The following SAP130 variants were observed in gnomAD, a reference collection of about 807,000 sequenced individuals.
The protein encoded by SAP130 is Sin3A associated protein 130, also known as histone deacetylase complex subunit SAP130.
SAP130 carries 16 observed loss-of-function variants against 103.2 expected under a neutral mutation model. The observed-to-expected ratio is 0.16, with a 90% CI of 0.10 to 0.24. The LOEUF (loss-of-function observed/expected upper bound fraction) is 0.24, where lower values mean the gene tolerates loss of function less well. Among genes scored for constraint, SAP130 ranks in the 10% least tolerant of loss-of-function variants. The pLI, the probability that SAP130 is intolerant of heterozygous loss-of-function variation, is 1.00. For missense variants in SAP130, 990 were observed against 1,359.7 expected (o/e 0.73, Z 4.28); for synonymous variants, 477 against 497.0 (o/e 0.96, Z 0.53).
intron 14 of SAP130, among the ~76,000 whole-genome samples, chr2:127,981,460 C>G (rs1276045156): frequency 7.8e-6 from 1 of 128,972 alleles, no homozygotes; most frequent in Non-Finnish European, 1.6e-5. Context: ...CTCACCCCAA[C>G]CTAGTCCTCC....
chr2:128,011,375 C>T (rs1024108157), intron 6 of SAP130, among the ~76,000 whole-genome samples: 2 of 152,190 alleles, frequency 1.3e-5, no homozygotes, highest in African/African-American at 2.4e-5. Context: ...CATTATTCTT[C>T]GAATCACCTG....
At chr2:128,027,508 AG>A (rs1278732118) in intron 1 of SAP130, among the ~76,000 whole-genome samples, 4 of 151,826 alleles carry the variant, frequency 2.6e-5, no homozygotes, top group Non-Finnish European at 5.9e-5. Context: ...CCCCCGGCGA[AG>A]GGGGCGGGGA....
At chr2:128,025,577 G>C (rs934014902) in intron 2 of SAP130, among the ~76,000 whole-genome samples, 1 of 152,084 alleles carries the variant, frequency 6.6e-6, no homozygotes, top group Non-Finnish European at 1.5e-5. Context: ...TTTTTCTCTT[G>C]TCATTATTCC....
rs1055355487 is a variant in SAP130, at chr2:127,986,644, C to G, written c.1958+141G>C. On this transcript the variant is annotated intron_variant, in intron 14 of 20. Transcript: ENST00000643581. The surrounding 1 kb of genome is among the most constrained non-coding windows in gnomAD (Gnocchi z 4.7). ...AGGCTCTACTGAATAATCCTGTGGT[C>G]AAGTTGTTTTGGAGGAAATTTTAAC... The G allele has an allele frequency of 3.6e-5, 31 of 864,104 alleles. No homozygotes were observed. In the South Asian group the frequency reaches 5.2e-4, roughly 15 times the overall value. The allele number at this position is 864,104 out of a possible 1,614,324, so 53.5% of individuals were successfully genotyped here.
At chr2:127,943,969 T>C (rs2104842666) in intron 19 of SAP130, among the ~76,000 whole-genome samples, 1 of 152,386 alleles carries the variant, frequency 6.6e-6, no homozygotes, top group East Asian at 1.9e-4. Context: ...GTTGGACAAA[T>C]GTGGATACTG....
intron 2 of SAP130, among the ~76,000 whole-genome samples, chr2:128,023,527 C>G (rs913122181): frequency 1.3e-5 from 2 of 152,152 alleles, no homozygotes; most frequent in Non-Finnish European, 2.9e-5. Context: ...TGCCTGTAAT[C>G]TCAGCACTTT....
chr2:127,988,397 T>G (rs1228286461), intron 13 of SAP130, among the ~76,000 whole-genome samples: 1 of 139,794 alleles, frequency 7.2e-6, no homozygotes, highest in Non-Finnish European at 1.5e-5. Context: ...GTGTTCCAGC[T>G]GGGCAACAGA....
At chr2:128,021,188 C>CAT (rs1559108155) in intron 2 of SAP130, among the ~76,000 whole-genome samples, 1 of 151,216 alleles carries the variant, frequency 6.6e-6, no homozygotes, top group Non-Finnish European at 1.5e-5. Context: ...GTGGCTCAAG[C>CAT]CTGTAATCCC....
chr2:127,977,428 A>G (rs1681545218), intron 15 of SAP130, among the ~76,000 whole-genome samples: 1 of 150,924 alleles, frequency 6.6e-6, no homozygotes, highest in Non-Finnish European at 1.5e-5. Context: ...TGAACATGGG[A>G]GGCCGAAGTT....
intron 15 of SAP130, among the ~76,000 whole-genome samples, chr2:127,973,323 C>G (rs990840850): frequency 2.0e-5 from 3 of 152,210 alleles, no homozygotes; most frequent in African/African-American, 7.2e-5. Context: ...ACCTCTGCCT[C>G]CTGGGTTCAA....
At chr2:128,012,263 A>G (rs918064066) in intron 6 of SAP130, among the ~76,000 whole-genome samples, 1 of 152,156 alleles carries the variant, frequency 6.6e-6, no homozygotes. Flanking sequence ...TGAGGTCAGG[A>G]GTTCGAGACC....
intron 15 of SAP130, among the ~76,000 whole-genome samples, chr2:127,962,713 C>T (rs1295855962): frequency 7.2e-6 from 1 of 138,598 alleles, no homozygotes; most frequent in Non-Finnish European, 1.5e-5. Flanking sequence ...GAACATCACA[C>T]ACCGGGGACT....
intron 18 of SAP130, among the ~76,000 whole-genome samples, chr2:127,948,213 T>C (rs960408033): frequency 6.6e-6 from 1 of 152,224 alleles, no homozygotes; most frequent in Admixed American, 6.5e-5. Context: ...CTGTGTTTAA[T>C]TGGTATGTTT....
Position 127,986,865 on chromosome 2 carries a change from G to T in SAP130, c.1878C>A (p.Ser626Arg). The T allele has an allele frequency of 6.2e-7, 1 of 1,614,246 alleles. No homozygotes were observed. Among genetic ancestry groups the T allele is most frequent in the Non-Finnish European group, 8.5e-7 (1 of 1,180,038 alleles). ...PAATTVVQTH[S>R]QSASTNAPAQ... Reference sequence around the variant, plus strand: ...CGGGAGCGTTGGTGCTAGCACTCTGGCTGTGGGTCTGCACCACGGTTGTTG... The same window carrying T: ...CGGGAGCGTTGGTGCTAGCACTCTGTCTGTGGGTCTGCACCACGGTTGTTG... The change falls in exon 14 of 21, where the codon AGC (serine) becomes AGA (arginine). Residue 626 changes from serine (S) to arginine (R), a missense_variant. Physicochemically the swap from Ser to Arg is moderately radical, Grantham distance 110. Around this residue, in one of 6 missense-constraint regions of SAP130, gnomAD observed 349 missense variants for 384.1 expected, o/e 0.91. Coordinates refer to ENST00000643581, the MANE Select transcript of SAP130 (RefSeq NM_001330301.2). The surrounding 1 kb of genome is among the most constrained non-coding windows in gnomAD (Gnocchi z 4.7).
intron 7 of SAP130, among the ~76,000 whole-genome samples, chr2:128,002,021 G>C (rs568093251): frequency 5.3e-5 from 8 of 151,808 alleles, no homozygotes; most frequent in Non-Finnish European, 7.4e-5. Context: ...CCACCTCCCA[G>C]GCAGAGGCAA....
chr2:127,973,829 T>G (rs72841711), intron 15 of SAP130, among the ~76,000 whole-genome samples: 11,306 of 152,138 alleles, frequency 0.074, 505 homozygotes, highest in Middle Eastern at 0.15. Context: ...ATCCCAGCAC[T>G]TTGTGAGGCT....
chr2:128,018,483 CAAAAAA>C (rs759445928), intron 2 of SAP130, among the ~76,000 whole-genome samples: 3 of 69,478 alleles, frequency 4.3e-5, no homozygotes, highest in Admixed American at 1.8e-4. Flanking sequence ...AGATTGTCTC[CAAAAAA>C]AAAAAAAAAA....
At chr2:128,001,903 G>A (rs1429064700) in intron 7 of SAP130, among the ~76,000 whole-genome samples, 3 of 151,538 alleles carry the variant, frequency 2.0e-5, no homozygotes, top group South Asian at 2.1e-4. Flanking sequence ...ACCAATATGC[G>A]TCCATTACCA....
chr2:127,961,800 T>G (rs952830710), intron 15 of SAP130, among the ~76,000 whole-genome samples: 5 of 152,028 alleles, frequency 3.3e-5, no homozygotes, highest in Non-Finnish European at 2.9e-5. Context: ...TGTTGCTTCC[T>G]TGGTTCTCTA....
Sources: allele counts gnomAD v4.1 joint callset (sites outside exome capture counted in the v4.1 genomes callset), GRCh38; gene constraint gnomAD v4.1.1; regional missense constraint gnomAD v4.1.1; non-coding constraint Gnocchi (gnomAD v3.1); transcripts MANE v1.5; gene names NCBI Gene and HGNC (gene_info 2026-07-23, HGNC 2026-07-21).